NR5A2: variants seen among roughly 807,000 people sequenced by gnomAD.
NR5A2 encodes CYP7A promoter-binding factor.
In NR5A2, 26 loss-of-function variants were observed where a neutral mutation model predicts 62.7. The observed-to-expected ratio is 0.41, with a 90% CI of 0.30 to 0.58. NR5A2 has a LOEUF of 0.58. NR5A2 is among the 20% of genes least tolerant of loss of function. NR5A2 has a pLI of 0.22. For missense variants in NR5A2, 541 were observed against 669.1 expected (o/e 0.81, Z 2.11); for synonymous variants, 246 against 241.7 (o/e 1.02, Z -0.16).
At position 200,038,164 on chromosome 1, in the gene NR5A2, G is replaced by A. The variant is rs146471407; in HGVS notation, c.65-1494G>A. On this transcript the variant is annotated intron_variant, in intron 1 of 7. Coordinates refer to ENST00000367362, the MANE Select transcript of NR5A2 (RefSeq NM_205860.3). ...CTGGGCTGGTGGTCGAAGAGCTTGC[G>A]TAACAGATGGTTCTTTAAAACATTT... 2.2e-4 allele frequency among the ~76,000 whole-genome samples: 33 copies of A among 152,320 alleles called. No individual in the cohort carries two copies. In the East Asian group the frequency reaches 4.4e-3, roughly 20 times the overall value.
intron 5 of NR5A2, among the ~76,000 whole-genome samples, chr1:200,062,227 T>TTGTGTGTGTGTGTGTG (rs6143563): frequency 0.013 from 1,911 of 145,696 alleles, 18 homozygotes; most frequent in African/African-American, 0.027. Context: ...CTGGCAGATT[T>TTGTGTGTGTGTGTGTG]TGTGTGTGTG....
Position 200,176,387 on chromosome 1 carries a change from G to A in NR5A2, c.*2177G>A, listed in dbSNP as rs1243951702. 4 of 152,638 alleles carry A rather than the reference G, an allele frequency of 2.6e-5. No homozygotes were observed. Among genetic ancestry groups the A allele is most frequent in the Non-Finnish European group, 5.9e-5 (4 of 68,050 alleles). 9.5% of individuals were successfully genotyped at this position (152,638 alleles called of 1,614,324 possible). On this transcript the variant is annotated 3_prime_UTR_variant, in exon 8 of 8. Coordinates refer to ENST00000367362, the MANE Select transcript of NR5A2 (RefSeq NM_205860.3). ...GGGCGTTGACTCATGCGCAGTCTCAGTCACCCGTGTTATCTTCGTGGCTCA... is the reference window on the plus strand; with the variant it reads ...GGGCGTTGACTCATGCGCAGTCTCAATCACCCGTGTTATCTTCGTGGCTCA...
In NR5A2 at chr1:200,042,594, T is replaced by G. The variant is rs1389854165; in HGVS notation, c.203-1180T>G. ...CTTAAAACAAACTCGGCTGCGTGTTTGTGCGCCGTTGGGTAGCAGGAGGTA... is the reference window on the plus strand; with the variant it reads ...CTTAAAACAAACTCGGCTGCGTGTTGGTGCGCCGTTGGGTAGCAGGAGGTA... On this transcript the variant is annotated intron_variant, in intron 2 of 7. Coordinates refer to ENST00000367362, the MANE Select transcript of NR5A2 (RefSeq NM_205860.3). Among the ~76,000 whole-genome samples, 5 of 152,302 alleles carry G rather than the reference T, an allele frequency of 3.3e-5. No homozygotes were observed. The South Asian group carries it at 1.0e-3, about 32-fold the overall frequency.
At chr1:200,097,405 G>A (rs1665151834) in intron 5 of NR5A2, among the ~76,000 whole-genome samples, 1 of 152,120 alleles carries the variant, frequency 6.6e-6, no homozygotes. Context: ...ACCTCTGTTA[G>A]AAATGCATTC....
In NR5A2 at chr1:200,039,835, C is replaced by A. The variant is rs201943526; in HGVS notation, c.202+40C>A. The A allele has an allele frequency of 1.9e-5, 30 of 1,577,902 alleles. No individual in the cohort carries two copies. The African/African-American group carries it at 3.9e-4, about 20-fold the overall frequency. On this transcript the variant is annotated intron_variant, in intron 2 of 7. Transcript: ENST00000367362. This position sits in a 1 kb window ranked among gnomAD's most constrained non-coding sequence, Gnocchi z 5.1. ...CGCGGCGCTCCGGCTCCCGCTGCTT[C>A]CCCACCCCCGGGCTCGCCCTGCAGG... is the stretch of plus-strand genomic sequence containing the variant.
intron 5 of NR5A2, among the ~76,000 whole-genome samples, chr1:200,109,752 T>C (rs529619234): frequency 6.6e-6 from 1 of 152,176 alleles, no homozygotes; most frequent in Non-Finnish European, 1.5e-5. Flanking sequence ...ACAGCCTAGA[T>C]TGTGAGAGGG....
intron 7 of NR5A2, among the ~76,000 whole-genome samples, chr1:200,123,848 C>A (rs1010922099): frequency 1.4e-5 from 2 of 144,288 alleles, no homozygotes; most frequent in African/African-American, 5.2e-5. Flanking sequence ...GGTGCCCAGG[C>A]GGGAGTGCAA....
At chr1:200,128,638 TA>T (rs1480021733) in intron 7 of NR5A2, among the ~76,000 whole-genome samples, 2 of 152,164 alleles carry the variant, frequency 1.3e-5, no homozygotes, top group Non-Finnish European at 2.9e-5. Flanking sequence ...TTAAAAATCC[TA>T]AAGTAGCCAA....
Position 200,084,236 on chromosome 1 carries a change from C to T in NR5A2, c.1111-26966C>T, listed in dbSNP as rs573006666. 1.4e-3 allele frequency among the ~76,000 whole-genome samples: 220 copies of T among 152,122 alleles called. 1 individual carries two copies. The highest frequency in any genetic ancestry group is 2.6e-3 in the Non-Finnish European group (177 of 68,006). On this transcript the variant is annotated intron_variant, in intron 5 of 7. Coordinates refer to ENST00000367362, the MANE Select transcript of NR5A2 (RefSeq NM_205860.3). ...ATTGCACTCATGTAATTAAAAAGCA[C>T]TTATAATCTGGCAAGCTAGCCTAAT...
intron 1 of NR5A2, chr1:200,038,849 T>C: frequency 2.0e-6 from 2 of 989,066 alleles, no homozygotes; most frequent in Non-Finnish European, 2.7e-6. Context: ...GGTGAAGAGG[T>C]TGGGGCAGGC....
chr1:200,084,509 A>G (rs892159698), intron 5 of NR5A2, among the ~76,000 whole-genome samples: 1 of 152,208 alleles, frequency 6.6e-6, no homozygotes, highest in Non-Finnish European at 1.5e-5. Context: ...GATCACAGAG[A>G]AGGGTGTAAA....
At chr1:200,034,768 C>A (rs944668201) in intron 1 of NR5A2, among the ~76,000 whole-genome samples, 5 of 135,802 alleles carry the variant, frequency 3.7e-5, no homozygotes, top group Admixed American at 1.5e-4. Flanking sequence ...GTTATTCACA[C>A]GTGCAGCAGA....
chr1:200,160,694 T>G (rs1452853164), intron 7 of NR5A2, among the ~76,000 whole-genome samples: 3 of 151,710 alleles, frequency 2.0e-5, no homozygotes, highest in Non-Finnish European at 4.4e-5. Context: ...TTTTCCTCAT[T>G]CGATTAGCTG....
At position 200,165,922 on chromosome 1, in the gene NR5A2, T is replaced by C. The variant is rs556174822; in HGVS notation, c.1379-8041T>C. On this transcript the variant is annotated intron_variant, in intron 7 of 7. Transcript: ENST00000367362. ...TTATACAACCAATATCCAAAATTCT[T>C]ATCTGACAAACTGAAACTCTATACC... Among the ~76,000 whole-genome samples the C allele has an allele frequency of 9.8e-5, 15 of 152,346 alleles. No homozygotes were observed. In the South Asian group the frequency reaches 2.9e-3, roughly 29 times the overall value.
At chr1:200,135,532 AAAG>A (rs200025911) in intron 7 of NR5A2, among the ~76,000 whole-genome samples, 125 of 138,608 alleles carry the variant, frequency 9.0e-4, no homozygotes, top group East Asian at 3.5e-3. Flanking sequence ...AAAAAAAAAA[AAAG>A]AAGAAGAAGA....
At chr1:200,067,116 G>A (rs1384082946) in intron 5 of NR5A2, among the ~76,000 whole-genome samples, 1 of 152,078 alleles carries the variant, frequency 6.6e-6, no homozygotes, top group Non-Finnish European at 1.5e-5. Flanking sequence ...AAGACAGAGG[G>A]GTATAACTAA....
intron 7 of NR5A2, among the ~76,000 whole-genome samples, chr1:200,137,317 A>ATT (rs775106954): frequency 0.042 from 5,515 of 131,076 alleles, 400 homozygotes; most frequent in African/African-American, 0.15. Context: ...CACCTGGCTA[A>ATT]TTTTTTTTTT....
At chr1:200,170,932 T>G (rs911473299) in intron 7 of NR5A2, among the ~76,000 whole-genome samples, 2 of 152,208 alleles carry the variant, frequency 1.3e-5, no homozygotes. Context: ...CAGGTCAAAT[T>G]CACAATTGTA....
At chr1:200,090,726 G>A (rs1158731208) in intron 5 of NR5A2, among the ~76,000 whole-genome samples, 2 of 152,154 alleles carry the variant, frequency 1.3e-5, no homozygotes, top group Admixed American at 1.3e-4. Flanking sequence ...TCTCCCAGTG[G>A]CTGTGAGACT....
Sources: allele counts gnomAD v4.1 joint callset (sites outside exome capture counted in the v4.1 genomes callset), GRCh38; gene constraint gnomAD v4.1.1; non-coding constraint Gnocchi (gnomAD v3.1); transcripts MANE v1.5; gene names NCBI Gene and HGNC (gene_info 2026-07-23, HGNC 2026-07-21).